CDH4: variants seen among roughly 807,000 people sequenced by gnomAD.
CDH4 encodes cadherin 4.
CDH4 carries 33 observed loss-of-function variants against 86.0 expected under a neutral mutation model. The ratio of observed to expected loss-of-function variants is 0.38; its 90% CI spans 0.29 to 0.51. CDH4 has a LOEUF of 0.51. CDH4 is among the 20% of genes least tolerant of loss of function. The probability of loss-of-function intolerance (pLI) is 0.86; values close to 1 mark genes in which losing one functional copy is unlikely to be tolerated. For missense variants in CDH4, 1,114 were observed against 1,307.4 expected, an observed-to-expected ratio of 0.85 and a Z score of 2.28; for synonymous variants, 555 against 549.4, an observed-to-expected ratio of 1.01 and a Z score of -0.14.
intron 2 of CDH4, among the ~76,000 whole-genome samples, chr20:61,429,787 G>GGATGGA (rs767880253): frequency 5.4e-4 from 64 of 119,054 alleles, no homozygotes; most frequent in Admixed American, 2.1e-3. Context: ...GGATGGATGG[G>GGATGGA]TGGGTGGAAA....
intron 4 of CDH4, among the ~76,000 whole-genome samples, chr20:61,834,301 G>A (rs2146085813): frequency 6.6e-6 from 1 of 152,344 alleles, no homozygotes; most frequent in South Asian, 2.1e-4. Context: ...TCTGGGGCCT[G>A]TGGCCTAGGA....
At chr20:61,845,978 C>G (rs958443608) in intron 5 of CDH4, among the ~76,000 whole-genome samples, 2 of 152,274 alleles carry the variant, frequency 1.3e-5, no homozygotes, top group Non-Finnish European at 2.9e-5. Context: ...CACGCCAGAT[C>G]TCAGGCCCAA....
Position 61,417,141 on chromosome 20 carries a change from G to T in CDH4, c.169+162204G>T, listed in dbSNP as rs2085151505. On this transcript the variant is annotated intron_variant, in intron 2 of 15. Coordinates refer to ENST00000614565, the MANE Select transcript of CDH4 (RefSeq NM_001794.5). The surrounding 1 kb of genome is among the most constrained non-coding windows in gnomAD (Gnocchi z 4.0). Reference sequence around the variant, plus strand: ...GTGCTTGGGATAAAACCCAGATTCTGTGGCCTATTTCCTTCTTCTTCAGAA... The same window carrying T: ...GTGCTTGGGATAAAACCCAGATTCTTTGGCCTATTTCCTTCTTCTTCAGAA... Among the ~76,000 whole-genome samples the T allele has an allele frequency of 6.6e-6, 1 of 152,176 alleles. No homozygotes were observed. Among genetic ancestry groups the T allele is most frequent in the South Asian group, 2.1e-4 (1 of 4,820 alleles).
chr20:61,783,377 T>G (rs1373227405), intron 4 of CDH4, among the ~76,000 whole-genome samples: 2 of 152,240 alleles, frequency 1.3e-5, no homozygotes, highest in Non-Finnish European at 2.9e-5. Flanking sequence ...GATAAAAACA[T>G]TAAATACAGC....
At chr20:61,768,190 T>TACAC (rs375855009) in intron 3 of CDH4, among the ~76,000 whole-genome samples, 1 of 151,912 alleles carries the variant, frequency 6.6e-6, no homozygotes, top group Non-Finnish European at 1.5e-5. Flanking sequence ...ATGTGCTCTA[T>TACAC]ACACACACAC....
intron 13 of CDH4, among the ~76,000 whole-genome samples, chr20:61,931,075 C>T (rs112872948): frequency 2.9e-3 from 448 of 152,356 alleles, no homozygotes; most frequent in African/African-American, 9.3e-3. Flanking sequence ...CACCTCAGCC[C>T]TGGTGGGGTG....
chr20:61,850,986 C>G (rs1982696330), intron 5 of CDH4, among the ~76,000 whole-genome samples: 1 of 152,234 alleles, frequency 6.6e-6, no homozygotes, highest in Admixed American at 6.5e-5. Flanking sequence ...GAGATAATAA[C>G]TTTAATTTTA....
At chr20:61,903,540 T>TTAAAAAAAAAAAAAAA (rs386394189) in intron 8 of CDH4, among the ~76,000 whole-genome samples, 1 of 90,886 alleles carries the variant, frequency 1.1e-5, no homozygotes, top group African/African-American at 4.7e-5. Flanking sequence ...AGAGACTCCA[T>TTAAAAAAAAAAAAAAA]AAAAAAAAAA....
chr20:61,394,639 G>A (rs1484950489), intron 2 of CDH4, among the ~76,000 whole-genome samples: 1 of 150,198 alleles, frequency 6.7e-6, no homozygotes, highest in African/African-American at 2.5e-5. Flanking sequence ...TGAGCAGTCA[G>A]GGGGCAGATA....
At chr20:61,317,008 T>A (rs1415538004) in intron 2 of CDH4, among the ~76,000 whole-genome samples, 4 of 144,266 alleles carry the variant, frequency 2.8e-5, no homozygotes, top group Admixed American at 2.0e-4. Flanking sequence ...CGTAACCTGC[T>A]ATTTCTTTTT....
chr20:61,662,506 C>T (rs1230757000), intron 2 of CDH4, among the ~76,000 whole-genome samples: 3 of 152,198 alleles, frequency 2.0e-5, no homozygotes, highest in Non-Finnish European at 4.4e-5. Flanking sequence ...GAATGAGACT[C>T]GGACTGAAAG....
At chr20:61,912,743 CA>C (rs1222466005) in intron 9 of CDH4, among the ~76,000 whole-genome samples, 1 of 152,188 alleles carries the variant, frequency 6.6e-6, no homozygotes, top group Non-Finnish European at 1.5e-5. Context: ...TATGAATTTT[CA>C]GAGTGAGGTA....
intron 2 of CDH4, among the ~76,000 whole-genome samples, chr20:61,305,279 G>A (rs191612414): frequency 1.6e-4 from 24 of 152,218 alleles, no homozygotes; most frequent in African/African-American, 5.1e-4. Flanking sequence ...TCCACCCAGC[G>A]TGGCTTTCGA....
At chr20:61,662,285 A>G (rs1294159255) in intron 2 of CDH4, among the ~76,000 whole-genome samples, 7 of 152,328 alleles carry the variant, frequency 4.6e-5, no homozygotes, top group Middle Eastern at 3.4e-3. Context: ...GCCGTGGCAG[A>G]GGTAGGCCCT....
At chr20:61,775,387 C>T (rs925789910) in intron 4 of CDH4, among the ~76,000 whole-genome samples, 11 of 152,068 alleles carry the variant, frequency 7.2e-5, no homozygotes, top group African/African-American at 2.7e-4. Flanking sequence ...CTGCCACCCC[C>T]ACATTGCCCC....
chr20:61,345,465 CAGCTTAATGT>C (rs2084673438), intron 2 of CDH4, among the ~76,000 whole-genome samples: 1 of 152,198 alleles, frequency 6.6e-6, no homozygotes, highest in Admixed American at 6.5e-5. Flanking sequence ...CATTTTTACT[CAGCTTAATGT>C]AGTATGGGGT....
intron 2 of CDH4, among the ~76,000 whole-genome samples, chr20:61,281,831 G>A (rs1428008984): frequency 6.6e-6 from 1 of 152,222 alleles, no homozygotes; most frequent in Non-Finnish European, 1.5e-5. Context: ...CATCTGACAT[G>A]ATTGCAGACA....
intron 3 of CDH4, among the ~76,000 whole-genome samples, chr20:61,771,546 C>T (rs932832407): frequency 1.1e-4 from 17 of 151,086 alleles, no homozygotes; most frequent in African/African-American, 4.1e-4. Context: ...GTCACTTAAA[C>T]CCAGGAGGCA....
intron 15 of CDH4, 24 bp from the exon 16 acceptor site, chr20:61,936,713 T>A: frequency 6.6e-7 from 1 of 1,508,592 alleles, no homozygotes; most frequent in Non-Finnish European, 8.9e-7. Context: ...TCCTGCACCC[T>A]AACTCTGTGT....
Sources: gnomAD v4.1 joint callset for allele counts (sites outside exome capture counted in the v4.1 genomes callset) on GRCh38, gnomAD v4.1.1 for gene constraint, Gnocchi (gnomAD v3.1) non-coding constraint, MANE v1.5 for transcripts, NCBI Gene and HGNC (gene_info 2026-07-23, HGNC 2026-07-21) for gene names.